RCAN2: variants seen among roughly 807,000 people sequenced by gnomAD.
RCAN2 encodes calcipressin-2.
RCAN2 carries 9 observed loss-of-function variants against 23.6 expected under a neutral mutation model. The observed-to-expected ratio is 0.38, with a 90% CI of 0.23 to 0.67. RCAN2 has a LOEUF of 0.67. RCAN2 is among the 30% of genes least tolerant of loss of function. The probability of loss-of-function intolerance (pLI) is 0.51; values close to 1 mark genes in which losing one functional copy is unlikely to be tolerated. For missense variants in RCAN2, 273 were observed against 302.3 expected, an observed-to-expected ratio of 0.90 and a Z score of 0.72; for synonymous variants, 109 against 115.7, an observed-to-expected ratio of 0.94 and a Z score of 0.37.
chr6:46,463,016 C>T (rs1408153695), intron 1 of RCAN2, among the ~76,000 whole-genome samples: 3 of 152,254 alleles, frequency 2.0e-5, no homozygotes, highest in Admixed American at 2.0e-4. Flanking sequence ...AGATGGTAAA[C>T]ATTCATGGAG....
chr6:46,457,040 G>A, intron 1 of RCAN2, 62 bp from the exon 2 acceptor site: 3 of 1,223,684 alleles, frequency 2.5e-6, no homozygotes, highest in South Asian at 2.7e-5. Flanking sequence ...TCAGTTTTCG[G>A]GTCACAGTTT....
chr6:46,481,848 A>C (rs1413751248), intron 1 of RCAN2, among the ~76,000 whole-genome samples: 1 of 152,194 alleles, frequency 6.6e-6, no homozygotes, highest in Non-Finnish European at 1.5e-5. Flanking sequence ...GAAACCCTAC[A>C]ATTTGAGAAT....
chr6:46,461,711 G>A (rs562116093), intron 1 of RCAN2, among the ~76,000 whole-genome samples: 15 of 152,078 alleles, frequency 9.9e-5, no homozygotes, highest in East Asian at 1.9e-4. Context: ...TCAGCTTCCC[G>A]AGTAGCTGGG....
At position 46,222,988 on chromosome 6, in the gene RCAN2, T is replaced by C. The variant is rs1765525785; in HGVS notation, c.*153A>G. On this transcript the variant is annotated 3_prime_UTR_variant, in exon 5 of 5. Transcript: ENST00000371374. ...ATATGATCAGGAGACATATCACCTT[T>C]TCCTAGCCCTTTTGTCCGAGAGGCT... The C allele has an allele frequency of 2.7e-6, 2 of 743,422 alleles. No individual in the cohort carries two copies. Among genetic ancestry groups the C allele is most frequent in the South Asian group, 3.6e-5 (2 of 55,394 alleles). 46.1% of individuals were successfully genotyped at this position (743,422 alleles called of 1,614,324 possible).
At chr6:46,468,259 G>T (rs990846130) in intron 1 of RCAN2, among the ~76,000 whole-genome samples, 1 of 152,174 alleles carries the variant, frequency 6.6e-6, no homozygotes, top group African/African-American at 2.4e-5. Flanking sequence ...TTGAGTTTAG[G>T]ATAAGAATAT....
intron 2 of RCAN2, among the ~76,000 whole-genome samples, chr6:46,364,680 G>C (rs1765114219): frequency 6.6e-6 from 1 of 152,136 alleles, no homozygotes; most frequent in South Asian, 2.1e-4. Context: ...TCCACCTGGA[G>C]GATGCTGACT....
chr6:46,250,177 CAAGT>C (rs140519981), intron 2 of RCAN2, among the ~76,000 whole-genome samples: 1,800 of 152,222 alleles, frequency 0.012, 35 homozygotes, highest in African/African-American at 0.038. Flanking sequence ...CAGATACACA[CAAGT>C]AAGAGGACAC....
chr6:46,330,733 T>C (rs182751428), intron 2 of RCAN2, among the ~76,000 whole-genome samples: 5 of 152,346 alleles, frequency 3.3e-5, no homozygotes, highest in Non-Finnish European at 5.9e-5. Context: ...TTTTAATCTA[T>C]AGAGTTCTCC....
intron 2 of RCAN2, among the ~76,000 whole-genome samples, chr6:46,342,518 C>G (rs999145591): frequency 6.6e-6 from 1 of 150,580 alleles, no homozygotes; most frequent in Admixed American, 6.6e-5. Flanking sequence ...TGTCACTATA[C>G]TCCAGCCTGA....
chr6:46,325,249 C>T (rs2150364077), intron 2 of RCAN2: 2 of 725,278 alleles, frequency 2.8e-6, no homozygotes, highest in Non-Finnish European at 4.3e-6. Flanking sequence ...CTACTTAATG[C>T]AGCCATGCAC....
At chr6:46,344,910 A>C (rs1466366014) in intron 2 of RCAN2, among the ~76,000 whole-genome samples, 1 of 152,108 alleles carries the variant, frequency 6.6e-6, no homozygotes, top group African/African-American at 2.4e-5. Flanking sequence ...TTTAATTAAA[A>C]TGTGGAAATG....
intron 2 of RCAN2, among the ~76,000 whole-genome samples, chr6:46,255,055 T>C (rs1343472027): frequency 6.6e-6 from 1 of 152,214 alleles, no homozygotes; most frequent in Admixed American, 6.5e-5. Flanking sequence ...AAATTTTTAT[T>C]GTTTTAAGCC....
Position 46,442,432 on chromosome 6 carries a change from T to C in RCAN2, c.225+14320A>G, listed in dbSNP as rs192574630. ...CCTGTTCAGGGCTGCACGCAGCCCA[T>C]CAGCCTAGAGGGCAAGACATTATTT... On this transcript the variant is annotated intron_variant, in intron 2 of 4. Coordinates refer to ENST00000371374, the MANE Select transcript of RCAN2 (RefSeq NM_001251974.2). Among the ~76,000 whole-genome samples, 223 of 152,268 alleles carry C rather than the reference T, an allele frequency of 1.5e-3. 3 individuals are homozygous for C. Among genetic ancestry groups the C allele is most frequent in the African/African-American group, 5.0e-3 (209 of 41,560 alleles).
At chr6:46,402,009 G>A (rs545493759) in intron 2 of RCAN2, among the ~76,000 whole-genome samples, 467 of 152,264 alleles carry the variant, frequency 3.1e-3, no homozygotes, top group Middle Eastern at 0.024. Flanking sequence ...AAACACCATC[G>A]AGAGTCTGAG....
chr6:46,373,598 G>GA (rs1468550682), intron 2 of RCAN2, among the ~76,000 whole-genome samples: 3 of 152,160 alleles, frequency 2.0e-5, no homozygotes, highest in Non-Finnish European at 4.4e-5. Flanking sequence ...TTAAGCAGGG[G>GA]AAAATGTATC....
At chr6:46,270,604 T>C (rs1450907301) in intron 2 of RCAN2, among the ~76,000 whole-genome samples, 2 of 152,202 alleles carry the variant, frequency 1.3e-5, no homozygotes, top group African/African-American at 4.8e-5. Context: ...CCTTTGAATA[T>C]GGGCTGGATG....
chr6:46,257,405 G>C (rs1037064346), intron 2 of RCAN2, among the ~76,000 whole-genome samples: 2 of 152,092 alleles, frequency 1.3e-5, no homozygotes, highest in African/African-American at 4.8e-5. Flanking sequence ...CTGCTATAAA[G>C]AAATACCTGA....
intron 2 of RCAN2, among the ~76,000 whole-genome samples, chr6:46,442,217 A>G (rs1280631095): frequency 6.6e-6 from 1 of 152,226 alleles, no homozygotes; most frequent in Non-Finnish European, 1.5e-5. Context: ...CTGCCTCTGA[A>G]AAAAGTAATG....
At chr6:46,350,960 C>T (rs1764629578) in intron 2 of RCAN2, among the ~76,000 whole-genome samples, 1 of 152,280 alleles carries the variant, frequency 6.6e-6, no homozygotes, top group East Asian at 1.9e-4. Flanking sequence ...GGCTAGTCAT[C>T]CTGTCTGTGT....
Sources: allele counts gnomAD v4.1 joint callset (sites outside exome capture counted in the v4.1 genomes callset), GRCh38; gene constraint gnomAD v4.1.1; transcripts MANE v1.5; gene names NCBI Gene and HGNC (gene_info 2026-07-23, HGNC 2026-07-21).